The following PTPN14 variants were observed in gnomAD, a reference collection of about 807,000 sequenced individuals.
PTPN14 encodes tyrosine-protein phosphatase non-receptor type 14.
A neutral mutation model predicts 126.8 loss-of-function variants in PTPN14; 53 were observed. The observed-to-expected ratio is 0.42, with a 90% CI of 0.34 to 0.53. The LOEUF (loss-of-function observed/expected upper bound fraction) is 0.53, where lower values mean the gene tolerates loss of function less well. PTPN14 is among the 20% of genes least tolerant of loss of function. PTPN14 has a pLI of 0.08. For synonymous variants in PTPN14, 630 were observed against 599.3 expected, an observed-to-expected ratio of 1.05 and a Z score of -0.75; for missense variants, 1,257 against 1,552.9, an observed-to-expected ratio of 0.81 and a Z score of 3.20.
chr1:214,425,380 T>C (rs895876033), intron 3 of PTPN14, among the ~76,000 whole-genome samples: 3 of 152,162 alleles, frequency 2.0e-5, no homozygotes, highest in Non-Finnish European at 2.9e-5. Flanking sequence ...ATATAAAGCC[T>C]TTCCCCAGTC....
intron 1 of PTPN14, among the ~76,000 whole-genome samples, chr1:214,533,698 G>T (rs538109596): frequency 6.6e-6 from 1 of 151,946 alleles, no homozygotes; most frequent in East Asian, 1.9e-4. Context: ...TTAGCCGGGC[G>T]TGGTGGCGGG....
intron 1 of PTPN14, among the ~76,000 whole-genome samples, chr1:214,481,285 T>C (rs976947110): frequency 2.0e-5 from 3 of 151,836 alleles, no homozygotes; most frequent in African/African-American, 7.3e-5. Flanking sequence ...GGTGGGCAGA[T>C]CATCTGAGGT....
chr1:214,495,780 C>T (rs538123998), intron 1 of PTPN14, among the ~76,000 whole-genome samples: 86 of 152,136 alleles, frequency 5.7e-4, no homozygotes, highest in Non-Finnish European at 9.3e-4. Flanking sequence ...CCGCAACCTC[C>T]GCCTCCCTGG....
chr1:214,499,167 G>T (rs943402819), intron 1 of PTPN14, among the ~76,000 whole-genome samples: 2 of 152,086 alleles, frequency 1.3e-5, no homozygotes, highest in African/African-American at 4.8e-5. Flanking sequence ...ATACTTGTGT[G>T]AGAAAATTCT....
chr1:214,378,879 A>G (rs1658407825), intron 13 of PTPN14, among the ~76,000 whole-genome samples: 1 of 151,412 alleles, frequency 6.6e-6, no homozygotes, highest in Non-Finnish European at 1.5e-5. Flanking sequence ...TCCGGAACTG[A>G]GCAGACCACT....
At chr1:214,358,139 C>A in intron 18 of PTPN14, 89 bp from the exon 19 acceptor site, 1 of 1,490,828 alleles carries the variant, frequency 6.7e-7, no homozygotes, top group Non-Finnish European at 9.1e-7. Flanking sequence ...AGCACTCACC[C>A]ACTGCCCATG....
intron 2 of PTPN14, among the ~76,000 whole-genome samples, chr1:214,453,213 C>T (rs1423820875): frequency 6.6e-6 from 1 of 152,198 alleles, no homozygotes; most frequent in Non-Finnish European, 1.5e-5. Context: ...CAACAAAATG[C>T]CAACCAGAGC....
At chr1:214,465,612 C>T (rs1660617147) in intron 1 of PTPN14, among the ~76,000 whole-genome samples, 1 of 152,024 alleles carries the variant, frequency 6.6e-6, no homozygotes, top group Admixed American at 6.5e-5. Context: ...GAGTAAGATT[C>T]TGTCTCAAAC....
intron 1 of PTPN14, among the ~76,000 whole-genome samples, chr1:214,546,473 A>T (rs1655971763): frequency 6.6e-6 from 1 of 152,226 alleles, no homozygotes; most frequent in South Asian, 2.1e-4. Flanking sequence ...TTCAACTGTG[A>T]GTAATTTTTC....
At chr1:214,480,448 T>C (rs116327895) in intron 1 of PTPN14, among the ~76,000 whole-genome samples, 153 of 152,262 alleles carry the variant, frequency 1.0e-3, no homozygotes, top group African/African-American at 3.5e-3. Context: ...AAAGCTTTAG[T>C]AAAGGAGAAT....
intron 1 of PTPN14, among the ~76,000 whole-genome samples, chr1:214,515,931 T>C (rs1021701846): frequency 8.5e-5 from 13 of 152,224 alleles, no homozygotes; most frequent in African/African-American, 3.1e-4. Flanking sequence ...AAGTACAATT[T>C]TCCTGGAAAA....
intron 1 of PTPN14, among the ~76,000 whole-genome samples, chr1:214,493,507 ATACT>A (rs1661295313): frequency 2.0e-5 from 3 of 152,214 alleles, no homozygotes; most frequent in African/African-American, 2.4e-5. Context: ...ATAAGTATAT[ATACT>A]TACTATGTAC....
At chr1:214,510,151 T>C (rs1051510873) in intron 1 of PTPN14, among the ~76,000 whole-genome samples, 36 of 151,872 alleles carry the variant, frequency 2.4e-4, no homozygotes, top group Middle Eastern at 3.4e-3. Flanking sequence ...AGGGAGGGAG[T>C]GGCTGGGCCA....
At chr1:214,458,677 G>T (rs1660439699) in intron 2 of PTPN14, among the ~76,000 whole-genome samples, 1 of 152,118 alleles carries the variant, frequency 6.6e-6, no homozygotes, top group African/African-American at 2.4e-5. Context: ...CAGGCAGTTT[G>T]GTCCAAGCTG....
intron 8 of PTPN14, among the ~76,000 whole-genome samples, chr1:214,396,894 T>C (rs1390897820): frequency 6.6e-6 from 1 of 152,202 alleles, no homozygotes; most frequent in Admixed American, 6.5e-5. Context: ...TCTGCACATA[T>C]TTACATATTT....
chr1:214,384,479 G>A lies in PTPN14; in HGVS notation c.1376C>T (p.Thr459Ile). The change falls in exon 13 of 19, where the codon ACA (threonine) becomes ATA (isoleucine). Residue 459 changes from threonine (T) to isoleucine (I), a missense_variant. Thr to Ile is a moderately conservative substitution (Grantham distance 89). Coordinates refer to ENST00000366956, the MANE Select transcript of PTPN14 (RefSeq NM_005401.5). This position sits in a 1 kb window ranked among gnomAD's most constrained non-coding sequence, Gnocchi z 5.3. Reference protein sequence around the residue: ...MRQMKRGILHTDSQSQSLRNL... With the variant: ...MRQMKRGILHIDSQSQSLRNL... ...TCTCAGAGACTGGCTCTGGCTGTCT[G>A]TATGCAGGATCCCCCTCTTCATCTG... 1 of 1,614,182 alleles carries A rather than the reference G, an allele frequency of 6.2e-7. No homozygotes were observed.
Position 214,516,950 on chromosome 1 carries a change from T to C in PTPN14, c.-155+34233A>G, listed in dbSNP as rs138936541. Among the ~76,000 whole-genome samples, 574 of 152,254 alleles carry C rather than the reference T, an allele frequency of 3.8e-3. 9 individuals carry two copies. Among genetic ancestry groups the C allele is most frequent in the Non-Finnish European group, 3.0e-3 (207 of 68,014 alleles). Reference sequence around the variant, plus strand: ...GGCTTCTGGACTATGCCTTGAACTTTAAGGCACCTGCTCTCCTCTCTCACA... The same window carrying C: ...GGCTTCTGGACTATGCCTTGAACTTCAAGGCACCTGCTCTCCTCTCTCACA... On this transcript the variant is annotated intron_variant, in intron 1 of 18. Coordinates refer to ENST00000366956, the MANE Select transcript of PTPN14 (RefSeq NM_005401.5).
chr1:214,522,638 A>G (rs978809252), intron 1 of PTPN14, among the ~76,000 whole-genome samples: 1 of 152,226 alleles, frequency 6.6e-6, no homozygotes, highest in Non-Finnish European at 1.5e-5. Flanking sequence ...AGCCTACACC[A>G]AATGGTGGTA....
intron 12 of PTPN14, among the ~76,000 whole-genome samples, chr1:214,385,008 C>T (rs1658575466): frequency 6.6e-6 from 1 of 152,092 alleles, no homozygotes; most frequent in Non-Finnish European, 1.5e-5. Flanking sequence ...AAAAAGGGAA[C>T]CTAATGGAAG....
Sources: gnomAD v4.1 joint callset for allele counts (sites outside exome capture counted in the v4.1 genomes callset) on GRCh38, gnomAD v4.1.1 for gene constraint, Gnocchi (gnomAD v3.1) non-coding constraint, MANE v1.5 for transcripts, NCBI Gene and HGNC (gene_info 2026-07-23, HGNC 2026-07-21) for gene names.